The following MCOLN2 variants were observed in gnomAD, a reference collection of about 807,000 sequenced individuals.
MCOLN2 encodes the protein mucolipin-2.
In MCOLN2, 57 loss-of-function variants were observed where a neutral mutation model predicts 67.5. That is an observed-to-expected ratio of 0.84 (90% CI 0.68 to 1.05). The LOEUF is 1.05. Among genes scored for constraint, MCOLN2 ranks in the 50% least tolerant of loss-of-function variants. MCOLN2 has a pLI of 0.00. For missense variants in MCOLN2, 620 were observed against 678.8 expected (o/e 0.91, Z 0.96); for synonymous variants, 246 against 233.3 (o/e 1.05, Z -0.50).
In MCOLN2 at chr1:84,952,518, A is replaced by G. The variant is rs1648551247; in HGVS notation, c.578T>C (p.Leu193Ser). Residue 193 changes from leucine to serine, a missense_variant, in exon 5 of 14, where the codon TTA becomes TCA. By Grantham distance (145) the Leu-to-Ser change is moderately radical (BLOSUM62 -2). Coordinates refer to ENST00000370608, the MANE Select transcript of MCOLN2 (RefSeq NM_153259.4). ...DNDVELDCVQ[L>S]DLQDLSKKPP... The stretch of plus-strand genomic sequence containing the variant: ...CTTCTTGGAGAGGTCCTGAAGGTCT[A>G]ATTGAACACAATCTAGGGCAATGAA... The G allele has an allele frequency of 2.5e-6, 4 of 1,608,324 alleles. No individual in the cohort carries two copies. In the East Asian group the frequency reaches 8.9e-5, roughly 36 times the overall value.
At chr1:84,949,752 G>C (rs1648314731) in intron 6 of MCOLN2, among the ~76,000 whole-genome samples, 1 of 151,882 alleles carries the variant, frequency 6.6e-6, no homozygotes, top group Non-Finnish European at 1.5e-5. Flanking sequence ...GGCAGGCCAG[G>C]AGAGAATGAG....
At chr1:84,948,501 G>A (rs1003293950) in intron 6 of MCOLN2, among the ~76,000 whole-genome samples, 1 of 152,106 alleles carries the variant, frequency 6.6e-6, no homozygotes, top group Non-Finnish European at 1.5e-5. Flanking sequence ...TAGATGCATA[G>A]ATAACAATGT....
intron 4 of MCOLN2, among the ~76,000 whole-genome samples, chr1:84,954,186 T>C (rs1271156945): frequency 3.3e-5 from 5 of 152,230 alleles, no homozygotes; most frequent in African/African-American, 1.2e-4. Flanking sequence ...TTACGTTTAA[T>C]GAAAATTAGA....
intron 1 of MCOLN2, among the ~76,000 whole-genome samples, chr1:84,974,467 G>A (rs1224549846): frequency 6.6e-6 from 1 of 151,836 alleles, no homozygotes; most frequent in Non-Finnish European, 1.5e-5. Flanking sequence ...CAGCATGATA[G>A]GGTCAGAGTC....
At position 84,939,620 on chromosome 1, in the gene MCOLN2, A is replaced by T; in HGVS notation, c.1043T>A (p.Val348Asp). 1 of 1,614,020 alleles carries T rather than the reference A, an allele frequency of 6.2e-7. No homozygotes were observed. Among genetic ancestry groups the T allele is most frequent in the Non-Finnish European group, 8.5e-7 (1 of 1,179,878 alleles). ...DQWEFINGWY[V>D]LVIISDLMTI... Reference sequence around the variant, plus strand: ...CATTAGGTCGCTGATAATCACCAGGACATACCAGCCGTTGATGAACTCCCA... The same window carrying T: ...CATTAGGTCGCTGATAATCACCAGGTCATACCAGCCGTTGATGAACTCCCA... The change falls in exon 9 of 14, where the codon GTC becomes GAC. Residue 348 changes from valine to aspartate, a missense_variant. Physicochemically the swap from Val to Asp is radical, Grantham distance 152. Coordinates refer to ENST00000370608, the MANE Select transcript of MCOLN2 (RefSeq NM_153259.4).
chr1:84,982,602 G>T (rs756700773), intron 1 of MCOLN2, among the ~76,000 whole-genome samples: 20 of 152,150 alleles, frequency 1.3e-4, no homozygotes. Flanking sequence ...AAAATATTTG[G>T]AACTACTTCC....
chr1:84,971,445 C>T (rs896790545), intron 1 of MCOLN2, among the ~76,000 whole-genome samples: 3 of 151,470 alleles, frequency 2.0e-5, no homozygotes, highest in Non-Finnish European at 4.4e-5. Context: ...TTTATTGCCT[C>T]CCTCTTCCCC....
intron 1 of MCOLN2, among the ~76,000 whole-genome samples, chr1:84,978,236 CAGTACTA>C (rs1441185443): frequency 2.0e-5 from 3 of 151,164 alleles, no homozygotes; most frequent in South Asian, 2.1e-4. Flanking sequence ...ACAGCAAAAG[CAGTACTA>C]AAAGAGAATT....
At chr1:84,956,655 G>T in intron 3 of MCOLN2, 71 bp from the exon 4 acceptor site, 1 of 1,298,614 alleles carries the variant, frequency 7.7e-7, no homozygotes, top group Non-Finnish European at 1.0e-6. Context: ...ATAGCATATA[G>T]AATGTACTTT....
rs763491101 is a variant in MCOLN2, at chr1:84,938,094, A to T, written c.1111-12T>A. On this transcript the variant is annotated splice_polypyrimidine_tract_variant and intron_variant, in intron 9 of 13. Transcript: ENST00000370608. ...TAGTTTGTGAGATTCTAAGGAATGA[A>T]AAAAAAGAAAGAGAGAAATGAGTAA... 6.3e-7 allele frequency: 1 copy of T among 1,582,888 alleles called. No individual in the cohort carries two copies. The highest frequency in any genetic ancestry group is 8.6e-7 in the Non-Finnish European group (1 of 1,157,580).
At chr1:84,949,293 C>A (rs571654862) in intron 6 of MCOLN2, among the ~76,000 whole-genome samples, 89 of 152,216 alleles carry the variant, frequency 5.8e-4, no homozygotes, top group African/African-American at 2.1e-3. Context: ...AGATTCTCTC[C>A]AAGGCCCATT....
intron 13 of MCOLN2, among the ~76,000 whole-genome samples, chr1:84,928,723 T>C (rs594412): frequency 6.6e-6 from 1 of 152,194 alleles, no homozygotes; most frequent in Non-Finnish European, 1.5e-5. Context: ...CAGATCTCAT[T>C]TTCTATTTAC....
intron 1 of MCOLN2, among the ~76,000 whole-genome samples, chr1:84,969,124 G>A (rs1194832784): frequency 6.6e-6 from 1 of 152,206 alleles, no homozygotes; most frequent in African/African-American, 2.4e-5. Context: ...CTTCCCCATA[G>A]CTTACCTCAT....
At chr1:84,970,339 G>A (rs914617253) in intron 1 of MCOLN2, among the ~76,000 whole-genome samples, 20 of 150,046 alleles carry the variant, frequency 1.3e-4, no homozygotes, top group African/African-American at 4.9e-4. Flanking sequence ...TTGTTTTCTC[G>A]AAACAGTGGT....
chr1:84,947,490 C>T (rs1353010061), intron 6 of MCOLN2, among the ~76,000 whole-genome samples: 2 of 152,174 alleles, frequency 1.3e-5, no homozygotes, highest in Admixed American at 6.5e-5. Flanking sequence ...CACTGTCTCC[C>T]CAGCCAGGAT....
At chr1:84,970,841 T>C (rs1649643957) in intron 1 of MCOLN2, among the ~76,000 whole-genome samples, 1 of 152,038 alleles carries the variant, frequency 6.6e-6, no homozygotes, top group Non-Finnish European at 1.5e-5. Context: ...AAACAGAGAG[T>C]GCTTGATGCA....
chr1:84,991,091 T>A (rs1473297992), intron 1 of MCOLN2, among the ~76,000 whole-genome samples: 1 of 152,208 alleles, frequency 6.6e-6, no homozygotes, highest in East Asian at 1.9e-4. Flanking sequence ...ATTTTTTTCA[T>A]TTTTGGTGGT....
intron 6 of MCOLN2, among the ~76,000 whole-genome samples, chr1:84,950,405 T>G (rs544673240): frequency 6.6e-6 from 1 of 152,352 alleles, no homozygotes; most frequent in East Asian, 1.9e-4. Flanking sequence ...CTGAATTGAA[T>G]TTAAAAGCAT....
At chr1:84,960,350 T>G (rs1445862188) in intron 2 of MCOLN2, among the ~76,000 whole-genome samples, 1 of 152,244 alleles carries the variant, frequency 6.6e-6, no homozygotes, top group Admixed American at 6.5e-5. Flanking sequence ...CAAGTCTAAT[T>G]CCAAAGTCAT....
Sources: allele counts gnomAD v4.1 joint callset (sites outside exome capture counted in the v4.1 genomes callset), GRCh38; gene constraint gnomAD v4.1.1; transcripts MANE v1.5; gene names NCBI Gene and HGNC (gene_info 2026-07-23, HGNC 2026-07-21).